ARHGAP22: variants seen among roughly 807,000 people sequenced by gnomAD.
ARHGAP22 encodes rho GTPase-activating protein 22.
ARHGAP22 carries 48 observed loss-of-function variants against 59.1 expected under a neutral mutation model. The ratio of observed to expected loss-of-function variants is 0.81; its 90% CI spans 0.64 to 1.03. ARHGAP22 has a LOEUF of 1.03. Among genes scored for constraint, ARHGAP22 ranks in the 50% least tolerant of loss-of-function variants. The pLI, the probability that ARHGAP22 is intolerant of heterozygous loss-of-function variation, is 0.00. For synonymous variants in ARHGAP22, 445 were observed against 416.4 expected, an observed-to-expected ratio of 1.07 and a Z score of -0.84; for missense variants, 1,015 against 958.7, an observed-to-expected ratio of 1.06 and a Z score of -0.78.
intron 2 of ARHGAP22, among the ~76,000 whole-genome samples, chr10:48,578,713 A>G (rs1408063552): frequency 1.3e-5 from 2 of 151,546 alleles, no homozygotes; most frequent in Non-Finnish European, 2.9e-5. Context: ...AGAAACAATG[A>G]GTGTTCTTTG....
intron 1 of ARHGAP22, among the ~76,000 whole-genome samples, chr10:48,613,384 G>A (rs577161533): frequency 1.3e-5 from 2 of 152,122 alleles, no homozygotes; most frequent in African/African-American, 2.4e-5. Context: ...AAGATGGTAC[G>A]TTTGAAGAAC....
chr10:48,509,416 A>G (rs1171918462), intron 3 of ARHGAP22, among the ~76,000 whole-genome samples: 1 of 152,242 alleles, frequency 6.6e-6, no homozygotes, highest in Non-Finnish European at 1.5e-5. Flanking sequence ...GATGTCTACC[A>G]TCGATGGCTG....
At chr10:48,592,218 A>G (rs1049328654) in intron 1 of ARHGAP22, among the ~76,000 whole-genome samples, 2 of 152,038 alleles carry the variant, frequency 1.3e-5, no homozygotes, top group African/African-American at 4.8e-5. Context: ...GAGTCTCACC[A>G]CTACATTGCC....
upstream of ARHGAP22, chr10:48,656,012 CG>C (rs991273240): frequency 7.1e-4 from 108 of 152,500 alleles, no homozygotes; most frequent in African/African-American, 2.6e-3. Flanking sequence ...GCAGAGCGGG[CG>C]GGGCTGCTCA....
intron 2 of ARHGAP22, among the ~76,000 whole-genome samples, chr10:48,580,058 TG>T (rs1039022999): frequency 2.6e-5 from 4 of 152,146 alleles, no homozygotes; most frequent in Admixed American, 2.6e-4. Flanking sequence ...CAAGAGGAAT[TG>T]GGAGTGAGTG....
At position 48,453,517 on chromosome 10, in the gene ARHGAP22, G is replaced by A. The variant is rs1234224482; in HGVS notation, c.867-92C>T. The A allele has an allele frequency of 5.1e-6, 8 of 1,568,948 alleles. No individual in the cohort carries two copies. In the Admixed American group the frequency reaches 1.4e-4, roughly 28 times the overall value. The stretch of plus-strand genomic sequence containing the variant: ...CTGGACGCACCGCCACACCCCTGCT[G>A]AGCCCTGCTGCCTGTGGGCTTTTGC... On this transcript the variant is annotated intron_variant, in intron 7 of 9. Transcript: ENST00000249601.
chr10:48,486,123 G>A (rs191804272), intron 3 of ARHGAP22, among the ~76,000 whole-genome samples: 220 of 151,910 alleles, frequency 1.4e-3, no homozygotes, highest in African/African-American at 5.1e-3. Context: ...CATGCTGTAG[G>A]AATTGCTTTA....
intron 3 of ARHGAP22, among the ~76,000 whole-genome samples, chr10:48,541,378 G>C (rs1050997159): frequency 1.3e-5 from 2 of 152,140 alleles, no homozygotes; most frequent in Non-Finnish European, 2.9e-5. Flanking sequence ...CTCCTCCTGC[G>C]CATCACCCCT....
intron 3 of ARHGAP22, among the ~76,000 whole-genome samples, chr10:48,543,072 T>G (rs2056113707): frequency 6.6e-6 from 1 of 152,132 alleles, no homozygotes; most frequent in African/African-American, 2.4e-5. Flanking sequence ...CCCCTGGGTG[T>G]CTGTGAGGGT....
chr10:48,435,166 TA>T, the ARHGAP22 span: 12 of 625,946 alleles, frequency 1.9e-5, no homozygotes, highest in Admixed American at 3.6e-4. Flanking sequence ...TAAAGTAGTT[TA>T]TTTTTTTTAA....
rs920960655 is a variant in ARHGAP22, at chr10:48,477,583, G to A, written c.451+2053C>T. On this transcript the variant is annotated intron_variant, in intron 4 of 9. Coordinates refer to ENST00000249601, the MANE Select transcript of ARHGAP22 (RefSeq NM_021226.4). ...AGCATCAACTTCAGCAGACACTGCTGATTTCCCTAGCAATATGTGCAAGTT... is the reference window on the plus strand; with the variant it reads ...AGCATCAACTTCAGCAGACACTGCTAATTTCCCTAGCAATATGTGCAAGTT... Among the ~76,000 whole-genome samples, 5 of 152,324 alleles carry A rather than the reference G, an allele frequency of 3.3e-5. No individual in the cohort carries two copies. In the South Asian group the frequency reaches 6.2e-4, roughly 19 times the overall value.
At chr10:48,610,177 C>A (rs2060828009) in intron 1 of ARHGAP22, among the ~76,000 whole-genome samples, 1 of 152,228 alleles carries the variant, frequency 6.6e-6, no homozygotes, top group Admixed American at 6.5e-5. Flanking sequence ...CCACACCCTG[C>A]AGTCCATGGC....
rs1245708787 is a variant in ARHGAP22, at chr10:48,451,145, C to T, written c.989-5G>A. ...GGTGCTGGACGAGGGAAGTGCCTGCCGGGAAGAGAGGCGGAGAAGGGCCTT... is the reference window on the plus strand; with the variant it reads ...GGTGCTGGACGAGGGAAGTGCCTGCTGGGAAGAGAGGCGGAGAAGGGCCTT... On this transcript the variant is annotated splice_polypyrimidine_tract_variant and splice_region_variant and intron_variant, in intron 8 of 9. Coordinates refer to ENST00000249601, the MANE Select transcript of ARHGAP22 (RefSeq NM_021226.4). 14 of 1,551,266 alleles carry T rather than the reference C, an allele frequency of 9.0e-6. No individual in the cohort carries two copies. Among genetic ancestry groups the T allele is most frequent in the Non-Finnish European group, 1.2e-5 (14 of 1,147,360 alleles).
chr10:48,446,732 G>A lies in ARHGAP22; in HGVS notation c.1869-113C>T, dbSNP rs991999508. Reference sequence around the variant, plus strand: ...TTGAGGGGTCAGGCCAAGCCATGGCGGCAGGAGGAAACCCTGGCTCATCTG... The same window carrying A: ...TTGAGGGGTCAGGCCAAGCCATGGCAGCAGGAGGAAACCCTGGCTCATCTG... On this transcript the variant is annotated intron_variant, in intron 9 of 9. Transcript: ENST00000249601. 21 of 1,056,302 alleles carry A rather than the reference G, an allele frequency of 2.0e-5. No homozygotes were observed. The Admixed American group carries it at 3.2e-4, about 16-fold the overall frequency. The allele number at this position is 1,056,302 out of a possible 1,614,324, so 65.4% of individuals were successfully genotyped here.
intron 1 of ARHGAP22, among the ~76,000 whole-genome samples, chr10:48,589,565 T>A (rs2059630065): frequency 6.6e-6 from 1 of 152,098 alleles, no homozygotes; most frequent in Admixed American, 6.6e-5. Flanking sequence ...CCACTTCTCC[T>A]CCCCATTCTC....
chr10:48,613,745 TAGA>T (rs1353267919), intron 1 of ARHGAP22, among the ~76,000 whole-genome samples: 1 of 152,134 alleles, frequency 6.6e-6, no homozygotes, highest in Admixed American at 6.5e-5. Flanking sequence ...TAAGGATTGT[TAGA>T]AGGAGGACGA....
chr10:48,639,387 G>A (rs910203297), intron 1 of ARHGAP22, among the ~76,000 whole-genome samples: 1 of 152,190 alleles, frequency 6.6e-6, no homozygotes, highest in Admixed American at 6.6e-5. Context: ...CTAAGACTGA[G>A]GGCATGTGCA....
At chr10:48,493,743 G>C (rs1192805104) in intron 3 of ARHGAP22, 1 of 1,094,898 alleles carries the variant, frequency 9.1e-7, no homozygotes, top group Non-Finnish European at 1.2e-6. Context: ...CCCGCCAGTG[G>C]GAGGTCGGCG....
At chr10:48,627,113 T>C (rs1279265989) in intron 1 of ARHGAP22, among the ~76,000 whole-genome samples, 1 of 152,214 alleles carries the variant, frequency 6.6e-6, no homozygotes, top group African/African-American at 2.4e-5. Context: ...GAAGAGTGCA[T>C]GGAAGCTCCA....
Sources: allele counts gnomAD v4.1 joint callset (sites outside exome capture counted in the v4.1 genomes callset), GRCh38; gene constraint gnomAD v4.1.1; transcripts MANE v1.5; gene names NCBI Gene and HGNC (gene_info 2026-07-23, HGNC 2026-07-21).